Variants in PCDH15 observed in about 807,000 individuals in gnomAD.
PCDH15 encodes protocadherin-15.
Under a neutral mutation model 178.5 loss-of-function variants are expected in PCDH15, and 129 were observed. The observed-to-expected ratio is 0.72, with a 90% CI of 0.63 to 0.84. The LOEUF is 0.84. Among genes scored for constraint, PCDH15 ranks in the 40% least tolerant of loss-of-function variants. PCDH15 has a pLI of 0.00. For missense variants in PCDH15, 2,230 were observed against 2,099.9 expected (o/e 1.06, Z -1.21); for synonymous variants, 800 against 732.0 (o/e 1.09, Z -1.50).
intron 2 of PCDH15, among the ~76,000 whole-genome samples, chr10:55,504,895 A>C (rs939264577): frequency 2.0e-5 from 3 of 151,446 alleles, no homozygotes; most frequent in Non-Finnish European, 4.4e-5. Flanking sequence ...AGGAAAATTC[A>C]AATCAAAATA....
At position 55,264,344 on chromosome 10, in the gene PCDH15, G is replaced by C. The variant is rs181840549; in HGVS notation, c.-156+55255C>G. 1.4e-4 allele frequency among the ~76,000 whole-genome samples: 22 copies of C among 152,196 alleles called. No homozygotes were observed. In the East Asian group the frequency reaches 4.1e-3, roughly 28 times the overall value. On this transcript the variant is annotated intron_variant, in intron 1 of 5. Transcript: ENST00000458638. Reference sequence around the variant, plus strand: ...AACCCCACCCCCAACCCCACAGAAGGAGGCCTTGCTTCATGGCATAAACAG... The same window carrying C: ...AACCCCACCCCCAACCCCACAGAAGCAGGCCTTGCTTCATGGCATAAACAG...
chr10:55,578,843 G>A (rs1438866567), intron 2 of PCDH15, among the ~76,000 whole-genome samples: 2 of 152,170 alleles, frequency 1.3e-5, no homozygotes, highest in Admixed American at 6.5e-5. Flanking sequence ...ATCAGATCTC[G>A]TGAGACTTAT....
intron 15 of PCDH15, among the ~76,000 whole-genome samples, chr10:54,092,839 CTTA>C (rs2094623433): frequency 6.6e-6 from 1 of 151,882 alleles, no homozygotes; most frequent in Non-Finnish European, 1.5e-5. Context: ...ATAAATTTTT[CTTA>C]TTATGTTGTT....
intron 8 of PCDH15, among the ~76,000 whole-genome samples, chr10:54,298,435 C>T (rs1009407170): frequency 2.0e-5 from 3 of 152,168 alleles, no homozygotes; most frequent in African/African-American, 7.2e-5. Flanking sequence ...CTCAGACAAA[C>T]CTACCTTGCT....
chr10:54,935,642 T>C (rs1375230029), intron 2 of PCDH15, among the ~76,000 whole-genome samples: 4 of 152,108 alleles, frequency 2.6e-5, no homozygotes, highest in African/African-American at 9.7e-5. Flanking sequence ...CTTTACCCTC[T>C]AAATTGTACT....
chr10:55,003,935 C>A (rs1020643777), intron 2 of PCDH15, among the ~76,000 whole-genome samples: 1 of 152,192 alleles, frequency 6.6e-6, no homozygotes. Context: ...CAGGTATCTG[C>A]AGGTGCAGAT....
At chr10:54,251,534 A>G (rs779115276) in intron 8 of PCDH15, among the ~76,000 whole-genome samples, 2 of 152,202 alleles carry the variant, frequency 1.3e-5, no homozygotes, top group Non-Finnish European at 2.9e-5. Flanking sequence ...AGAGCATACT[A>G]TAAAATCGTA....
At chr10:53,855,253 A>C (rs1475767713) in intron 28 of PCDH15, among the ~76,000 whole-genome samples, 1 of 152,084 alleles carries the variant, frequency 6.6e-6, no homozygotes, top group Admixed American at 6.6e-5. Flanking sequence ...TAAAGGGTTA[A>C]AATTTGAAGC....
chr10:54,315,510 C>A (rs1381381113), intron 8 of PCDH15, among the ~76,000 whole-genome samples: 2 of 152,128 alleles, frequency 1.3e-5, no homozygotes, highest in East Asian at 3.9e-4. Flanking sequence ...GTTTATTAAG[C>A]TGTGCAGAAG....
At position 54,528,324 on chromosome 10, in the gene PCDH15, T is replaced by C. The variant is rs978460712; in HGVS notation, c.92-447A>G. 5 of 1,446,634 alleles carry C rather than the reference T, an allele frequency of 3.5e-6. No individual in the cohort carries two copies. In the Admixed American group the frequency reaches 5.9e-5, roughly 17 times the overall value. 89.6% of individuals were successfully genotyped at this position (1,446,634 alleles called of 1,614,324 possible). On this transcript the variant is annotated intron_variant, in intron 2 of 37. Transcript: ENST00000644397. ...AATTTTAATAATGTTCTAAAGAGAA[T>C]AAAACAAAGACAGACAAGCAATGCT...
intron 8 of PCDH15, among the ~76,000 whole-genome samples, chr10:54,265,551 T>C (rs934655592): frequency 6.7e-6 from 1 of 149,766 alleles, no homozygotes; most frequent in Admixed American, 6.6e-5. Context: ...GTAATGACAC[T>C]CATGGGTTCA....
upstream of PCDH15, among the ~76,000 whole-genome samples, chr10:55,322,588 T>TCA: frequency 6.6e-6 from 1 of 152,078 alleles, no homozygotes; most frequent in South Asian, 2.1e-4. Flanking sequence ...TGAGGTGGCC[T>TCA]TAGATGGAGA....
chr10:54,960,146 G>T (rs546541492), intron 2 of PCDH15, among the ~76,000 whole-genome samples: 1 of 152,162 alleles, frequency 6.6e-6, no homozygotes, highest in South Asian at 2.1e-4. Flanking sequence ...TGACATTCTA[G>T]TCTGTATTTT....
At chr10:54,334,716 T>C (rs1398368313) in intron 6 of PCDH15, among the ~76,000 whole-genome samples, 2 of 133,666 alleles carry the variant, frequency 1.5e-5, no homozygotes, top group African/African-American at 5.1e-5. Context: ...CACACACACG[T>C]GTATATATAT....
At chr10:53,821,960 T>C in intron 32 of PCDH15, 1 of 1,613,912 alleles carries the variant, frequency 6.2e-7, no homozygotes, top group Non-Finnish European at 8.5e-7. Flanking sequence ...TATTTGTTAC[T>C]TCTGAAGGGC....
intron 1 of PCDH15, among the ~76,000 whole-genome samples, chr10:55,196,390 C>T (rs753730861): frequency 1.3e-5 from 2 of 152,050 alleles, no homozygotes; most frequent in Admixed American, 6.6e-5. Context: ...TGAACTCATC[C>T]TGCTAGATCT....
intron 2 of PCDH15, among the ~76,000 whole-genome samples, chr10:54,590,871 C>A (rs1292536735): frequency 1.3e-5 from 2 of 151,706 alleles, no homozygotes; most frequent in East Asian, 1.9e-4. Flanking sequence ...CAAAAAAAAA[C>A]CGAGACACAA....
chr10:55,442,122 T>A (rs1839201627), intron 2 of PCDH15, among the ~76,000 whole-genome samples: 1 of 152,090 alleles, frequency 6.6e-6, no homozygotes, highest in Admixed American at 6.6e-5. Flanking sequence ...AAGTTTGTAG[T>A]CATTTGTTAG....
At chr10:54,329,054 C>T (rs554544307) in intron 7 of PCDH15, among the ~76,000 whole-genome samples, 1 of 152,028 alleles carries the variant, frequency 6.6e-6, no homozygotes, top group East Asian at 1.9e-4. Flanking sequence ...TATCTACATA[C>T]ATTAGCATAA....
Sources: gnomAD v4.1 joint callset for allele counts (sites outside exome capture counted in the v4.1 genomes callset) on GRCh38, gnomAD v4.1.1 for gene constraint, MANE v1.5 for transcripts, NCBI Gene and HGNC (gene_info 2026-07-23, HGNC 2026-07-21) for gene names.